KLHL6: variants seen among roughly 807,000 people sequenced by gnomAD.
KLHL6 encodes the protein kelch like family member 6, also known as kelch-like protein 6.
A neutral mutation model predicts 58.6 loss-of-function variants in KLHL6; 41 were observed. The ratio of observed to expected loss-of-function variants is 0.70; its 90% confidence interval spans 0.55 to 0.91. The LOEUF (loss-of-function observed/expected upper bound fraction) is 0.91, where lower values mean the gene tolerates loss of function less well. Among genes scored for constraint, KLHL6 ranks in the 40% least tolerant of loss-of-function variants. KLHL6 has a pLI of 0.00. For missense variants in KLHL6, 714 were observed against 805.6 expected, an observed-to-expected ratio of 0.89 and a Z score of 1.38; for synonymous variants, 338 against 322.7, an observed-to-expected ratio of 1.05 and a Z score of -0.51.
At chr3:183,510,027 C>T (rs1577183781) in intron 2 of KLHL6, among the ~76,000 whole-genome samples, 1 of 152,162 alleles carries the variant, frequency 6.6e-6, no homozygotes, top group Admixed American at 6.5e-5. Context: ...TCACCATCCT[C>T]ATAAAAATTC....
At position 183,490,504 on chromosome 3, in the gene KLHL6, A is replaced by G. The variant is rs1047581976; in HGVS notation, c.*1423T>C. On this transcript the variant is annotated 3_prime_UTR_variant, in exon 7 of 7. Coordinates refer to ENST00000341319, the MANE Select transcript of KLHL6 (RefSeq NM_130446.4). ...GTTCCGGTCCAAAATGGGCCATCTT[A>G]TGATCATTTAAAAAAAAAAAGACCG... 1 of 144,846 alleles carries G rather than the reference A, an allele frequency of 6.9e-6. No individual in the cohort carries two copies. Among genetic ancestry groups the G allele is most frequent in the African/African-American group, 2.7e-5 (1 of 36,946 alleles). 9.0% of individuals were successfully genotyped at this position (144,846 alleles called of 1,614,324 possible).
chr3:183,535,552 C>T (rs2108689581), intron 1 of KLHL6, among the ~76,000 whole-genome samples: 1 of 152,276 alleles, frequency 6.6e-6, no homozygotes, highest in African/African-American at 2.4e-5. Context: ...ACCAACATGA[C>T]ATTTAGAAAT....
chr3:183,534,480 T>C (rs943348560), intron 1 of KLHL6, among the ~76,000 whole-genome samples: 2 of 152,008 alleles, frequency 1.3e-5, no homozygotes, highest in Non-Finnish European at 2.9e-5. Context: ...CACAGCTCAT[T>C]TCAGTCTCCA....
At chr3:183,493,822 A>G (rs1717638071) in intron 5 of KLHL6, 4 of 504,372 alleles carry the variant, frequency 7.9e-6, no homozygotes, top group Non-Finnish European at 1.4e-5. Context: ...CTCTGTGCAC[A>G]TCTGGGGTTC....
intron 3 of KLHL6, among the ~76,000 whole-genome samples, chr3:183,500,757 G>A (rs776409262): frequency 6.6e-6 from 1 of 152,180 alleles, no homozygotes; most frequent in African/African-American, 2.4e-5. Context: ...AGGTTCCATA[G>A]GTGTGCTGAC....
At position 183,512,044 on chromosome 3, in the gene KLHL6, T is replaced by C. The variant is rs1024252358; in HGVS notation, c.460-3536A>G. On this transcript the variant is annotated intron_variant, in intron 2 of 6. Transcript: ENST00000341319. ...CCGTGGAAACAGTTGTGAACAAGGC[T>C]GCTAACACCTGTTTAGTCGTTGGCA... 7.2e-5 allele frequency among the ~76,000 whole-genome samples: 11 copies of C among 152,330 alleles called. No homozygotes were observed. The East Asian group carries it at 2.1e-3, about 29-fold the overall frequency.
intron 1 of KLHL6, among the ~76,000 whole-genome samples, chr3:183,546,179 C>T (rs766524886): frequency 1.3e-5 from 2 of 152,172 alleles, no homozygotes; most frequent in Non-Finnish European, 2.9e-5. Flanking sequence ...GAGGAGTGAA[C>T]GTGCTAATAA....
chr3:183,492,835 C>T lies in KLHL6; in HGVS notation c.1351-128G>A, dbSNP rs904633048. The T allele has an allele frequency of 9.0e-6, 7 of 775,514 alleles. No individual in the cohort carries two copies. Among genetic ancestry groups the T allele is most frequent in the Admixed American group, 2.5e-5 (1 of 39,626 alleles). 48.0% of individuals were successfully genotyped at this position (775,514 alleles called of 1,614,324 possible). A position where few individuals can be genotyped will look rare whatever the true frequency, so the allele number is the denominator to read the frequency against. ...CATCTTTTGCCTATAGTCACAAGGC[C>T]CATGGGCTTGACTCCTCTTAAGACA... On this transcript the variant is annotated intron_variant, in intron 5 of 6. Transcript: ENST00000341319. The surrounding 1 kb of genome is among the most constrained non-coding windows in gnomAD (Gnocchi z 5.9).
At chr3:183,550,424 TAC>T (rs368493113) in intron 1 of KLHL6, among the ~76,000 whole-genome samples, 7 of 151,282 alleles carry the variant, frequency 4.6e-5, no homozygotes, top group African/African-American at 1.5e-4. Context: ...AAAACACACA[TAC>T]ACACACACAC....
chr3:183,496,596 T>A (rs1231355146), intron 4 of KLHL6, among the ~76,000 whole-genome samples: 1 of 152,252 alleles, frequency 6.6e-6, no homozygotes, highest in African/African-American at 2.4e-5. Flanking sequence ...TTTGGTAGAC[T>A]GCCATATAGC....
chr3:183,502,108 G>C (rs912202468), intron 3 of KLHL6, among the ~76,000 whole-genome samples: 1 of 152,016 alleles, frequency 6.6e-6, no homozygotes, highest in Non-Finnish European at 1.5e-5. Flanking sequence ...TGGCCAACAA[G>C]GTGAAACCCA....
intron 1 of KLHL6, among the ~76,000 whole-genome samples, chr3:183,547,954 A>G (rs574039027): frequency 3.3e-5 from 5 of 152,278 alleles, no homozygotes; most frequent in Admixed American, 3.3e-4. Context: ...GCTGAAAATG[A>G]GGAGGAAATG....
At chr3:183,508,671 A>G (rs73070600) in intron 2 of KLHL6, among the ~76,000 whole-genome samples, 163 bp from the exon 3 acceptor site, 1,583 of 152,346 alleles carry the variant, frequency 0.01, 26 homozygotes, top group African/African-American at 0.036. Context: ...TAGACTTAAA[A>G]CAATGAGATA....
chr3:183,531,113 C>T (rs1215943871), intron 1 of KLHL6, among the ~76,000 whole-genome samples: 2 of 152,048 alleles, frequency 1.3e-5, no homozygotes, highest in East Asian at 1.9e-4. Flanking sequence ...GGATTACAGG[C>T]GTGAGACACT....
intron 1 of KLHL6, chr3:183,552,159 C>T (rs1225053835): frequency 6.6e-6 from 1 of 152,148 alleles, no homozygotes; most frequent in African/African-American, 2.4e-5. Context: ...ACCGCTAAGA[C>T]TGCAGATGCA....
chr3:183,531,803 T>G (rs1712174662), intron 1 of KLHL6, among the ~76,000 whole-genome samples: 1 of 152,200 alleles, frequency 6.6e-6, no homozygotes, highest in Non-Finnish European at 1.5e-5. Flanking sequence ...CTTGTCCCAT[T>G]ATTGTATTTT....
intron 3 of KLHL6, among the ~76,000 whole-genome samples, chr3:183,505,681 C>T (rs895879015): frequency 4.0e-5 from 6 of 149,464 alleles, no homozygotes; most frequent in Admixed American, 4.0e-4. Flanking sequence ...ACACAAATTA[C>T]CAATATCTGG....
chr3:183,504,628 C>A (rs1717953631), intron 3 of KLHL6, among the ~76,000 whole-genome samples: 1 of 152,102 alleles, frequency 6.6e-6, no homozygotes, highest in South Asian at 2.1e-4. Flanking sequence ...GAAGCAGAAA[C>A]AAAAATAGCA....
chr3:183,554,740 A>G (rs1156808001), intron 1 of KLHL6, among the ~76,000 whole-genome samples: 1 of 152,240 alleles, frequency 6.6e-6, no homozygotes, highest in African/African-American at 2.4e-5. Context: ...GGGGGAAAAA[A>G]GTCCCCATGA....
Sources: gnomAD v4.1 joint callset for allele counts (sites outside exome capture counted in the v4.1 genomes callset) on GRCh38, gnomAD v4.1.1 for gene constraint, Gnocchi (gnomAD v3.1) non-coding constraint, MANE v1.5 for transcripts, NCBI Gene and HGNC (gene_info 2026-07-23, HGNC 2026-07-21) for gene names.